The following FARP1 variants were observed in gnomAD, a reference collection of about 807,000 sequenced individuals.
The protein encoded by FARP1 is FERM, ARHGEF and pleckstrin domain-containing protein 1.
FARP1 carries 52 observed loss-of-function variants against 128.8 expected under a neutral mutation model. The ratio of observed to expected loss-of-function variants is 0.40; its 90% CI spans 0.32 to 0.51. FARP1 has a LOEUF of 0.51. FARP1 is among the 20% of genes least tolerant of loss of function. The pLI, the probability that FARP1 is intolerant of heterozygous loss-of-function variation, is 0.45. For synonymous variants in FARP1, 580 were observed against 551.8 expected, an observed-to-expected ratio of 1.05 and a Z score of -0.72; for missense variants, 1,333 against 1,367.9, an observed-to-expected ratio of 0.97 and a Z score of 0.40.
chr13:98,166,774 G>A (rs1421367937), intron 1 of FARP1, among the ~76,000 whole-genome samples: 1 of 149,814 alleles, frequency 6.7e-6, no homozygotes, highest in African/African-American at 2.5e-5. Flanking sequence ...TGTGGCTGAA[G>A]TGCAGTGTCG....
intron 13 of FARP1, chr13:98,406,068 T>C (rs886686928): frequency 1.3e-5 from 2 of 152,222 alleles, no homozygotes; most frequent in African/African-American, 4.8e-5. Context: ...CTCTGTGACC[T>C]TGGACATTGG....
At chr13:98,312,141 T>TTTTTTTTG (rs1886490994) in intron 2 of FARP1, among the ~76,000 whole-genome samples, 1 of 129,376 alleles carries the variant, frequency 7.7e-6, no homozygotes, top group Non-Finnish European at 1.6e-5. Flanking sequence ...ACTGCTTTTT[T>TTTTTTTTG]TTTTTTTTTT....
intron 2 of FARP1, among the ~76,000 whole-genome samples, chr13:98,221,201 G>A (rs879119661): frequency 6.6e-6 from 1 of 152,176 alleles, no homozygotes; most frequent in Non-Finnish European, 1.5e-5. Context: ...CACAGATTTG[G>A]TTCTCATGAA....
rs192903440 is a variant in FARP1 at position 98,380,177 on chromosome 13, T to A, written c.496+2259T>A. 5.4e-3 allele frequency among the ~76,000 whole-genome samples: 815 copies of A among 152,308 alleles called. 2 individuals carry two copies. The highest frequency in any genetic ancestry group is 8.0e-3 in the Non-Finnish European group (542 of 68,022). The stretch of plus-strand genomic sequence containing the variant: ...AAGAGTAGATTTTGGCCAGGCATGG[T>A]GGCTCACGCCTGTAATCCCAGCACT... On this transcript the variant is annotated intron_variant, in intron 6 of 26. Transcript: ENST00000319562.
Position 98,384,860 on chromosome 13 carries a change from G to A in FARP1, c.611+16G>A. The A allele has an allele frequency of 2.0e-6, 3 of 1,499,338 alleles. No individual in the cohort carries two copies. The highest frequency in any genetic ancestry group is 1.9e-6 in the Non-Finnish European group (2 of 1,075,586). The allele number at this position is 1,499,338 out of a possible 1,614,324, so 92.9% of individuals were successfully genotyped here. On this transcript the variant is annotated intron_variant, in intron 7 of 26. Transcript: ENST00000319562. Reference sequence around the variant, plus strand: ...ATAACCACATGTAAGTCTCATTCTTGGCTTCATATTCCCTCTGAGCCGGTT... The same window carrying A: ...ATAACCACATGTAAGTCTCATTCTTAGCTTCATATTCCCTCTGAGCCGGTT...
In FARP1 at chr13:98,448,330, C is replaced by G. The variant is rs1365068041; in HGVS notation, c.*13C>G. ...TCTTGTGTATTGATGGCCGGACACACTCGTTTCCGCAGTGGCTGCTTTCCT... is the reference window on the plus strand; with the variant it reads ...TCTTGTGTATTGATGGCCGGACACAGTCGTTTCCGCAGTGGCTGCTTTCCT... On this transcript the variant is annotated 3_prime_UTR_variant, in exon 27 of 27. Coordinates refer to ENST00000319562, the MANE Select transcript of FARP1 (RefSeq NM_005766.4). 7 of 1,593,472 alleles carry G rather than the reference C, an allele frequency of 4.4e-6. No individual in the cohort carries two copies. Among genetic ancestry groups the G allele is most frequent in the East Asian group, 2.2e-5 (1 of 44,804 alleles).
At chr13:98,435,991 C>A in intron 19 of FARP1, 2 of 376,228 alleles carry the variant, frequency 5.3e-6, no homozygotes, top group South Asian at 2.7e-5. Context: ...TTTGAGATTG[C>A]TTATTTTATT....
At chr13:98,421,527 G>C (rs1891592581) in intron 16 of FARP1, among the ~76,000 whole-genome samples, 1 of 152,298 alleles carries the variant, frequency 6.6e-6, no homozygotes, top group South Asian at 2.1e-4. Context: ...TCAAATGGCA[G>C]ATCCATTCAA....
intron 24 of FARP1, among the ~76,000 whole-genome samples, chr13:98,443,575 G>A (rs1193092862): frequency 5.9e-5 from 9 of 152,220 alleles, no homozygotes; most frequent in African/African-American, 2.2e-4. Flanking sequence ...ACTCCCGTCT[G>A]ACTCGTGTAG....
At chr13:98,442,563 C>A (rs775731526) in intron 24 of FARP1, among the ~76,000 whole-genome samples, 1 of 152,214 alleles carries the variant, frequency 6.6e-6, no homozygotes, top group Non-Finnish European at 1.5e-5. Context: ...ATTCCCTCCC[C>A]GGGCCTCCTG....
chr13:98,296,586 CT>C (rs951194621), intron 2 of FARP1, among the ~76,000 whole-genome samples: 2 of 151,850 alleles, frequency 1.3e-5, no homozygotes, highest in South Asian at 4.2e-4. Flanking sequence ...TAATGGGAGC[CT>C]TTTTTGCGTA....
At chr13:98,242,623 G>A (rs1882839115) in intron 2 of FARP1, among the ~76,000 whole-genome samples, 2 of 152,144 alleles carry the variant, frequency 1.3e-5, no homozygotes, top group Admixed American at 6.5e-5. Context: ...ATGCTGCAGA[G>A]CTGAGATTGT....
chr13:98,151,082 A>C (rs1278426399), intron 1 of FARP1, among the ~76,000 whole-genome samples: 1 of 129,942 alleles, frequency 7.7e-6, no homozygotes, highest in African/African-American at 2.5e-5. Context: ...TGTTACGAGT[A>C]GCTTGATGAA....
intron 2 of FARP1, among the ~76,000 whole-genome samples, chr13:98,277,622 C>A (rs9513389): frequency 6.6e-6 from 1 of 152,108 alleles, no homozygotes; most frequent in Non-Finnish European, 1.5e-5. Context: ...CCTTCGGGGA[C>A]GCCACCTTGA....
intron 2 of FARP1, among the ~76,000 whole-genome samples, chr13:98,256,243 C>T (rs1050409271): frequency 3.3e-5 from 5 of 152,070 alleles, no homozygotes; most frequent in African/African-American, 7.2e-5. Context: ...TGAATAGGGA[C>T]GTTGTGCTGT....
At chr13:98,319,891 A>C (rs1886915675) in intron 2 of FARP1, among the ~76,000 whole-genome samples, 1 of 152,142 alleles carries the variant, frequency 6.6e-6, no homozygotes, top group Non-Finnish European at 1.5e-5. Context: ...TTGGAAAAAA[A>C]GTTAAAAGTG....
At chr13:98,362,802 G>A (rs558483222) in intron 3 of FARP1, among the ~76,000 whole-genome samples, 53 of 152,288 alleles carry the variant, frequency 3.5e-4, no homozygotes, top group African/African-American at 1.2e-3. Flanking sequence ...TGCAGTGCTC[G>A]CTATCTCTGG....
intron 2 of FARP1, among the ~76,000 whole-genome samples, chr13:98,336,798 G>A (rs1429870569): frequency 6.6e-6 from 1 of 152,334 alleles, no homozygotes; most frequent in East Asian, 1.9e-4. Flanking sequence ...CAGCCAACTG[G>A]TTGGTGCGCT....
At chr13:98,427,231 GT>G (rs1891823218) in intron 17 of FARP1, among the ~76,000 whole-genome samples, 1 of 151,964 alleles carries the variant, frequency 6.6e-6, no homozygotes, top group African/African-American at 2.4e-5. Flanking sequence ...CATCTCCATA[GT>G]TTTATCTTTC....
Sources: gnomAD v4.1 joint callset for allele counts (sites outside exome capture counted in the v4.1 genomes callset) on GRCh38, gnomAD v4.1.1 for gene constraint, MANE v1.5 for transcripts, NCBI Gene and HGNC (gene_info 2026-07-23, HGNC 2026-07-21) for gene names.